The following ALCAM variants were observed in gnomAD, a reference collection of about 807,000 sequenced individuals.
ALCAM encodes activated leukocyte cell adhesion molecule.
Under a neutral mutation model 70.9 loss-of-function variants are expected in ALCAM, and 30 were observed. The ratio of observed to expected loss-of-function variants is 0.42; its 90% CI spans 0.32 to 0.57. ALCAM has a LOEUF of 0.57. ALCAM is among the 20% of genes least tolerant of loss of function. The pLI, the probability that ALCAM is intolerant of heterozygous loss-of-function variation, is 0.11. For synonymous variants in ALCAM, 249 were observed against 242.5 expected (o/e 1.03, Z -0.25); for missense variants, 591 against 695.1 (o/e 0.85, Z 1.68).
intron 1 of ALCAM, among the ~76,000 whole-genome samples, chr3:105,516,085 C>A (rs943860536): frequency 6.6e-6 from 1 of 151,840 alleles, no homozygotes; most frequent in Non-Finnish European, 1.5e-5. Context: ...TAATAATTAA[C>A]CAGGCTAAAT....
At chr3:105,367,833 A>C (rs2107309383) in intron 1 of ALCAM, among the ~76,000 whole-genome samples, 1 of 152,210 alleles carries the variant, frequency 6.6e-6, no homozygotes. Flanking sequence ...TGGGTATCCA[A>C]GTCCACGTCA....
chr3:105,397,110 G>A (rs979486096), intron 1 of ALCAM, among the ~76,000 whole-genome samples: 2 of 152,032 alleles, frequency 1.3e-5, no homozygotes, highest in African/African-American at 4.8e-5. Context: ...ACAATAAAGT[G>A]TGTCTCCTGA....
intron 1 of ALCAM, among the ~76,000 whole-genome samples, chr3:105,406,360 C>G (rs1936232457): frequency 1.3e-5 from 2 of 152,128 alleles, no homozygotes. Flanking sequence ...TTTTGTCATG[C>G]TTTAAGGCCC....
chr3:105,528,166 A>G (rs1178835156), intron 3 of ALCAM, among the ~76,000 whole-genome samples: 2 of 152,140 alleles, frequency 1.3e-5, no homozygotes, highest in African/African-American at 4.8e-5. Context: ...GTGGGTTTTT[A>G]TAGTAATACT....
At chr3:105,458,615 T>C (rs1256371352) in intron 1 of ALCAM, among the ~76,000 whole-genome samples, 1 of 152,206 alleles carries the variant, frequency 6.6e-6, no homozygotes, top group Non-Finnish European at 1.5e-5. Flanking sequence ...TATTTAAGCT[T>C]ATTTTAAAAT....
At chr3:105,448,411 A>AT (rs1937345871) in intron 1 of ALCAM, among the ~76,000 whole-genome samples, 1 of 151,692 alleles carries the variant, frequency 6.6e-6, no homozygotes, top group Admixed American at 6.6e-5. Context: ...CATTAAAAAA[A>AT]AAAACACTCC....
intron 1 of ALCAM, among the ~76,000 whole-genome samples, chr3:105,501,827 G>A (rs1158234232): frequency 6.6e-6 from 1 of 152,110 alleles, no homozygotes; most frequent in Non-Finnish European, 1.5e-5. Flanking sequence ...CATAGTGCCT[G>A]CCAATACTTA....
intron 1 of ALCAM, among the ~76,000 whole-genome samples, chr3:105,371,060 A>G (rs1256671839): frequency 4.6e-5 from 7 of 152,182 alleles, no homozygotes; most frequent in Admixed American, 2.6e-4. Context: ...AATCCAAAAT[A>G]TCTTGTCTTA....
intron 1 of ALCAM, among the ~76,000 whole-genome samples, chr3:105,398,456 T>C (rs1247010167): frequency 6.6e-6 from 1 of 152,150 alleles, no homozygotes; most frequent in Admixed American, 6.6e-5. Flanking sequence ...TGAAAATGTA[T>C]CATCAGTATT....
At chr3:105,389,201 T>C (rs1935734654) in intron 1 of ALCAM, among the ~76,000 whole-genome samples, 1 of 151,342 alleles carries the variant, frequency 6.6e-6, no homozygotes, top group African/African-American at 2.4e-5. Flanking sequence ...AAATTTCTGT[T>C]ATGTAGAAAA....
intron 1 of ALCAM, among the ~76,000 whole-genome samples, chr3:105,429,190 C>A (rs560600530): frequency 7.3e-4 from 111 of 151,984 alleles, no homozygotes; most frequent in Admixed American, 1.2e-3. Flanking sequence ...TGTCATCCTT[C>A]TTTTGGTTGC....
intron 1 of ALCAM, among the ~76,000 whole-genome samples, chr3:105,438,714 G>GAT (rs1937106799): frequency 6.6e-6 from 1 of 152,090 alleles, no homozygotes; most frequent in Non-Finnish European, 1.5e-5. Flanking sequence ...TGTTGCTACA[G>GAT]ATATTGTATA....
intron 3 of ALCAM, among the ~76,000 whole-genome samples, chr3:105,529,729 A>G (rs879708141): frequency 2.0e-4 from 31 of 152,290 alleles, no homozygotes; most frequent in Admixed American, 1.2e-3. Context: ...GGAATTTTAT[A>G]AAGCATTTAT....
intron 1 of ALCAM, among the ~76,000 whole-genome samples, chr3:105,400,262 C>T (rs531818607): frequency 6.6e-6 from 1 of 152,168 alleles, no homozygotes; most frequent in Admixed American, 6.5e-5. Flanking sequence ...AGCTTCTAAT[C>T]TGCCATTGAT....
At chr3:105,371,914 A>G (rs1488308832) in intron 1 of ALCAM, among the ~76,000 whole-genome samples, 1 of 152,180 alleles carries the variant, frequency 6.6e-6, no homozygotes, top group Admixed American at 6.5e-5. Context: ...TTCATTGTTA[A>G]GTATTCACAG....
At chr3:105,432,867 T>C (rs1283780277) in intron 1 of ALCAM, among the ~76,000 whole-genome samples, 1 of 152,164 alleles carries the variant, frequency 6.6e-6, no homozygotes, top group Non-Finnish European at 1.5e-5. Flanking sequence ...ATTACAAGGA[T>C]TTATATACAC....
chr3:105,571,646 A>G (rs1940863528), intron 14 of ALCAM, among the ~76,000 whole-genome samples: 2 of 152,184 alleles, frequency 1.3e-5, no homozygotes, highest in South Asian at 2.1e-4. Context: ...CTCTTAGCAT[A>G]CATTTACTGG....
At chr3:105,414,846 A>C (rs1475221685) in intron 1 of ALCAM, among the ~76,000 whole-genome samples, 2 of 152,132 alleles carry the variant, frequency 1.3e-5, no homozygotes, top group Non-Finnish European at 2.9e-5. Context: ...GGAAATGAAA[A>C]AACCCAATTT....
chr3:105,549,320 A>G (rs906410605), intron 11 of ALCAM, among the ~76,000 whole-genome samples: 2 of 151,430 alleles, frequency 1.3e-5, no homozygotes, highest in African/African-American at 4.8e-5. Context: ...CCTCCACCCC[A>G]GCAACTAGAA....
Sources: allele counts gnomAD v4.1 joint callset (sites outside exome capture counted in the v4.1 genomes callset), GRCh38; gene constraint gnomAD v4.1.1; transcripts MANE v1.5; gene names NCBI Gene and HGNC (gene_info 2026-07-23, HGNC 2026-07-21).